The following NR2E1 variants were observed in gnomAD, a reference collection of about 807,000 sequenced individuals.
NR2E1 encodes the protein nuclear receptor subfamily 2 group E member 1, also known as nuclear receptor TLX.
A neutral mutation model predicts 43.6 loss-of-function variants in NR2E1; 5 were observed. That is an observed-to-expected ratio of 0.11 (90% CI 0.06 to 0.24). The LOEUF (loss-of-function observed/expected upper bound fraction) is 0.24, where lower values mean the gene tolerates loss of function less well. Among genes scored for constraint, NR2E1 ranks in the 10% least tolerant of loss-of-function variants. The pLI is 1.00. For synonymous variants in NR2E1, 191 were observed against 195.5 expected (o/e 0.98, Z 0.19); for missense variants, 287 against 496.7 (o/e 0.58, Z 4.01).
chr6:108,176,351 TC>T, intron 3 of NR2E1, 151 bp from the exon 4 acceptor site: 1 of 661,572 alleles, frequency 1.5e-6, no homozygotes, highest in Non-Finnish European at 2.7e-6. Context: ...AATCCCTTCC[TC>T]CCTCAGATTC....
chr6:108,170,683 G>C (rs1773797716), intron 1 of NR2E1, among the ~76,000 whole-genome samples: 3 of 152,156 alleles, frequency 2.0e-5, no homozygotes, highest in Non-Finnish European at 4.4e-5. Flanking sequence ...GTGGAGGCCA[G>C]TCTTCTAGGG....
Position 108,169,673 on chromosome 6 carries a change from T to G in NR2E1, c.26-1785T>G, listed in dbSNP as rs1470940652. On this transcript the variant is annotated intron_variant, in intron 1 of 8. Transcript: ENST00000368986. This position sits in a 1 kb window ranked among gnomAD's most constrained non-coding sequence, Gnocchi z 6.1. ...GTTCCTGAGCGACCAGGAACTCCCT[T>G]GGGCGCAGTGACAGGCCCGAAGGAG... Among the ~76,000 whole-genome samples the G allele has an allele frequency of 6.6e-6, 1 of 151,904 alleles. No homozygotes were observed. The highest frequency in any genetic ancestry group is 1.5e-5 in the Non-Finnish European group (1 of 67,976).
At position 108,180,501 on chromosome 6, in the gene NR2E1, AT is replaced by A; in HGVS notation, c.739+83del. The stretch of plus-strand genomic sequence containing the variant: ...CTGAAAAAAGAACAACATGTAAAGA[AT>A]AACAAATTCCTGCTGAACAATAGAG... On this transcript the variant is annotated intron_variant, in intron 6 of 8. Transcript: ENST00000368986. This position sits in a 1 kb window ranked among gnomAD's most constrained non-coding sequence, Gnocchi z 5.4. The A allele has an allele frequency of 1.0e-6, 1 of 971,098 alleles. No individual in the cohort carries two copies. The allele number at this position is 971,098 out of a possible 1,614,324, so 60.2% of individuals were successfully genotyped here.
rs1179346456 is a variant in NR2E1, at chr6:108,188,708, A to G, written c.*1245A>G. ...TCAGCACTTGGACTATCATAGGATG[A>G]GTAAAACTTTTCTTGTACAAAGTGA... On this transcript the variant is annotated 3_prime_UTR_variant, in exon 9 of 9. Coordinates refer to ENST00000368986, the MANE Select transcript of NR2E1 (RefSeq NM_003269.5). 6.6e-6 allele frequency: 1 copy of G among 152,258 alleles called. No homozygotes were observed. Among genetic ancestry groups the G allele is most frequent in the Non-Finnish European group, 1.5e-5 (1 of 68,044 alleles). The allele number at this position is 152,258 out of a possible 1,614,324, so 9.4% of individuals were successfully genotyped here. A position where few individuals can be genotyped will look rare whatever the true frequency, so the allele number is the denominator to read the frequency against.
chr6:108,180,511 C>A lies in NR2E1; in HGVS notation c.739+92C>A. The A allele has an allele frequency of 1.1e-6, 1 of 920,074 alleles. No homozygotes were observed. 57.0% of individuals were successfully genotyped at this position (920,074 alleles called of 1,614,324 possible). On this transcript the variant is annotated intron_variant, in intron 6 of 8. Coordinates refer to ENST00000368986, the MANE Select transcript of NR2E1 (RefSeq NM_003269.5). This position sits in a 1 kb window ranked among gnomAD's most constrained non-coding sequence, Gnocchi z 5.4. Reference sequence around the variant, plus strand: ...AACAACATGTAAAGAATAACAAATTCCTGCTGAACAATAGAGTATACCTGT... The same window carrying A: ...AACAACATGTAAAGAATAACAAATTACTGCTGAACAATAGAGTATACCTGT...
At position 108,178,119 on chromosome 6, in the gene NR2E1, C is replaced by T; in HGVS notation, c.520C>T (p.Pro174Ser). The T allele has an allele frequency of 6.2e-7, 1 of 1,614,168 alleles. No individual in the cohort carries two copies. The highest frequency in any genetic ancestry group is 8.5e-7 in the Non-Finnish European group (1 of 1,180,034). Residue 174 changes from proline to serine, a missense_variant, in exon 5 of 9, where the codon CCA (proline) becomes TCA (serine). By Grantham distance (74) the Pro-to-Ser change is moderately conservative. Around this residue, in one of 4 missense-constraint regions of NR2E1, gnomAD observed 119 missense variants for 155.7 expected, o/e 0.76. Coordinates refer to ENST00000368986, the MANE Select transcript of NR2E1 (RefSeq NM_003269.5). ...GTACCCCCATGAAGTGAATGGGACC[C>T]CAATGTATCTCTATGAAGTGGCCAC... ...PKYPHEVNGTPMYLYEVATES... is the reference protein window; with the variant it reads ...PKYPHEVNGTSMYLYEVATES...
chr6:108,179,031 A>C (rs1398211412), intron 5 of NR2E1: 1 of 152,332 alleles, frequency 6.6e-6, no homozygotes, highest in Non-Finnish European at 1.5e-5. Flanking sequence ...AATTAATGAC[A>C]AATTTTCCAA....
Position 108,176,614 on chromosome 6 carries a change from C to T in NR2E1, c.371C>T (p.Ala124Val). 1 of 1,611,884 alleles carries T rather than the reference C, an allele frequency of 6.2e-7. No individual in the cohort carries two copies. Among genetic ancestry groups the T allele is most frequent in the Non-Finnish European group, 8.5e-7 (1 of 1,179,712 alleles). Residue 124 changes from alanine to valine, a missense_variant, in exon 4 of 9, where the codon GCG (alanine) becomes GTG (valine). Transcript: ENST00000368986. ...NGAAAHFPSA[A>V]LPAPAFFTAV... ...GCCGCCGCGCACTTTCCCTCGGCGG[C>T]GCTCCCTGCGCCGGCCTTCTTCACC...
intron 5 of NR2E1, chr6:108,179,125 T>C (rs1773945894): frequency 6.6e-6 from 1 of 152,262 alleles, no homozygotes; most frequent in Non-Finnish European, 1.5e-5. Context: ...TGCCCCTTTA[T>C]ATGAAGTATG....
chr6:108,170,644 G>A (rs1773797049), intron 1 of NR2E1, among the ~76,000 whole-genome samples: 1 of 144,116 alleles, frequency 6.9e-6, no homozygotes, highest in African/African-American at 2.6e-5. Flanking sequence ...AAAAAACCGG[G>A]AGGAAGAGAT....
rs1357698126 is a variant in NR2E1 at position 108,170,559 on chromosome 6, G to T, written c.26-899G>T. ...AGTTCTCTTGAGGTGGGGTCCATGGGGGGTGGGGGGATACAGCCTAGAGAA... is the reference window on the plus strand; with the variant it reads ...AGTTCTCTTGAGGTGGGGTCCATGGTGGGTGGGGGGATACAGCCTAGAGAA... On this transcript the variant is annotated intron_variant, in intron 1 of 8. Transcript: ENST00000368986. 4.0e-5 allele frequency among the ~76,000 whole-genome samples: 6 copies of T among 151,652 alleles called. No individual in the cohort carries two copies. The East Asian group carries it at 9.7e-4, about 25-fold the overall frequency.
intron 7 of NR2E1, among the ~76,000 whole-genome samples, chr6:108,181,318 CA>C (rs1211201418): frequency 6.6e-6 from 1 of 152,086 alleles, no homozygotes; most frequent in African/African-American, 2.4e-5. Flanking sequence ...CTCAGCCTCC[CA>C]AGTAGCTGGG....
intron 8 of NR2E1, among the ~76,000 whole-genome samples, chr6:108,184,228 A>G (rs994208085): frequency 5.9e-5 from 9 of 152,122 alleles, no homozygotes; most frequent in African/African-American, 1.9e-4. Context: ...AAAGACAAAA[A>G]AACAAAAACA....
At chr6:108,186,008 A>C (rs1243209420) in intron 8 of NR2E1, among the ~76,000 whole-genome samples, 1 of 152,196 alleles carries the variant, frequency 6.6e-6, no homozygotes, top group Non-Finnish European at 1.5e-5. Flanking sequence ...TATCTCTACT[A>C]TGCCTGGTCC....
intron 2 of NR2E1, among the ~76,000 whole-genome samples, chr6:108,172,532 C>A (rs547784726): frequency 6.6e-6 from 1 of 152,338 alleles, no homozygotes; most frequent in Admixed American, 6.5e-5. Flanking sequence ...TGGTCCTACA[C>A]TTTGCCCTCT....
rs747721068 is a variant in NR2E1, at chr6:108,181,582, G to A, written c.926G>A (p.Arg309Gln). The stretch of plus-strand genomic sequence containing the variant: ...AGTGGTTCTGAACTGAGAAGTTTCC[G>A]GAATGCTGCCGCCATTGCAGCCCTT... ...THSGSELRSF[R>Q]NAAAIAALQD... The change falls in exon 8 of 9, where the codon CGG becomes CAG. Residue 309 changes from arginine (R) to glutamine (Q), a missense_variant. Physicochemically the swap from Arg to Gln is conservative, Grantham distance 43. This residue lies in a region of NR2E1 where 119 missense variants were observed against 187.0 expected (regional missense o/e 0.64). Coordinates refer to ENST00000368986, the MANE Select transcript of NR2E1 (RefSeq NM_003269.5). The A allele has an allele frequency of 2.0e-5, 32 of 1,614,026 alleles. No homozygotes were observed. Among genetic ancestry groups the A allele is most frequent in the East Asian group, 4.5e-5 (2 of 44,900 alleles).
chr6:108,180,294 T>C lies in NR2E1; in HGVS notation c.643-29T>C. ...TTATAAATTTATAAATTACACACTATATTATATTATACATCTATTGTATGA... is the reference window on the plus strand; with the variant it reads ...TTATAAATTTATAAATTACACACTACATTATATTATACATCTATTGTATGA... On this transcript the variant is annotated intron_variant, in intron 5 of 8. Coordinates refer to ENST00000368986, the MANE Select transcript of NR2E1 (RefSeq NM_003269.5). The surrounding 1 kb of genome is among the most constrained non-coding windows in gnomAD (Gnocchi z 5.4). The C allele has an allele frequency of 7.8e-7, 1 of 1,288,680 alleles. No homozygotes were observed. Among genetic ancestry groups the C allele is most frequent in the Non-Finnish European group, 1.1e-6 (1 of 884,576 alleles). The allele number at this position is 1,288,680 out of a possible 1,614,324, so 79.8% of individuals were successfully genotyped here. A position where few individuals can be genotyped will look rare whatever the true frequency, so the allele number is the denominator to read the frequency against.
In NR2E1 at chr6:108,187,723, C is replaced by A; in HGVS notation, c.*260C>A. 2.1e-6 allele frequency: 1 copy of A among 466,892 alleles called. No homozygotes were observed. The highest frequency in any genetic ancestry group is 2.1e-5 in the South Asian group (1 of 47,672). The allele number at this position is 466,892 out of a possible 1,614,324, so 28.9% of individuals were successfully genotyped here. A position where few individuals can be genotyped will look rare whatever the true frequency, so the allele number is the denominator to read the frequency against. ...ACTGCTGCCATGCCCTGGGAGGGGG[C>A]AAACTGGGGGTTGCCACAGGCCGTG... On this transcript the variant is annotated 3_prime_UTR_variant, in exon 9 of 9. Transcript: ENST00000368986.
chr6:108,182,190 C>T (rs926454128), intron 8 of NR2E1, among the ~76,000 whole-genome samples: 1 of 147,140 alleles, frequency 6.8e-6, no homozygotes, highest in South Asian at 2.1e-4. Context: ...TGCAGTGAGC[C>T]GATATTGTGC....
Sources: allele counts gnomAD v4.1 joint callset (sites outside exome capture counted in the v4.1 genomes callset), GRCh38; gene constraint gnomAD v4.1.1; regional missense constraint gnomAD v4.1.1; non-coding constraint Gnocchi (gnomAD v3.1); transcripts MANE v1.5; gene names NCBI Gene and HGNC (gene_info 2026-07-23, HGNC 2026-07-21).